FOXO1: variants seen among roughly 807,000 people sequenced by gnomAD.
FOXO1 encodes the protein forkhead box protein O1.
Under a neutral mutation model 44.1 loss-of-function variants are expected in FOXO1, and 6 were observed. That is an observed-to-expected ratio of 0.14 (90% CI 0.07 to 0.27). FOXO1 has a LOEUF of 0.27. Among genes scored for constraint, FOXO1 ranks in the 10% least tolerant of loss-of-function variants. The pLI is 1.00. For missense variants in FOXO1, 737 were observed against 888.8 expected (o/e 0.83, Z 2.17); for synonymous variants, 380 against 362.7 (o/e 1.05, Z -0.54).
In FOXO1 at chr13:40,646,798, C is replaced by T. The variant is rs367747405; in HGVS notation, c.630+18785G>A. On this transcript the variant is annotated intron_variant, in intron 1 of 2. Transcript: ENST00000379561. ...TAGTAAAGACAGGGTTTCACCATGT[C>T]GGCCAGGGTGGTCTCGATCTCCTGA... 3.3e-5 allele frequency among the ~76,000 whole-genome samples: 5 copies of T among 151,918 alleles called. No individual in the cohort carries two copies. In the East Asian group the frequency reaches 5.8e-4, roughly 18 times the overall value.
rs1873935810 is a variant in FOXO1, at chr13:40,560,169, G to A, written c.1322C>T (p.Thr441Ile). The change falls in exon 2 of 3, where the codon ACA becomes ATA. Residue 441 changes from threonine to isoleucine, a missense_variant. Transcript: ENST00000379561. This position sits in a 1 kb window ranked among gnomAD's most constrained non-coding sequence, Gnocchi z 5.1. The stretch of plus-strand genomic sequence containing the variant: ...ATAACTCGACTTATTGTCCTGAAGT[G>A]TTTGTATAGGCATCTGGGGCAAAGG... ...MSPLPQMPIQ[T>I]LQDNKSSYGG... 1.2e-6 allele frequency: 2 copies of A among 1,614,062 alleles called. No individual in the cohort carries two copies. Among genetic ancestry groups the A allele is most frequent in the Admixed American group, 1.7e-5 (1 of 59,998 alleles).
intron 1 of FOXO1, among the ~76,000 whole-genome samples, chr13:40,578,367 T>C (rs546462212): frequency 6.6e-6 from 1 of 152,304 alleles, no homozygotes; most frequent in East Asian, 1.9e-4. Context: ...CTTTTGTGCA[T>C]TCTGGTTAAA....
chr13:40,660,490 C>A lies in FOXO1; in HGVS notation c.630+5093G>T, dbSNP rs550666197. Among the ~76,000 whole-genome samples, 10 of 152,314 alleles carry A rather than the reference C, an allele frequency of 6.6e-5. No homozygotes were observed. The East Asian group carries it at 1.9e-3, about 29-fold the overall frequency. The stretch of plus-strand genomic sequence containing the variant: ...CAAATACAGCTGCTATCTTAGAAAG[C>A]CTAACACAAAACTGCAGTTTAGATG... On this transcript the variant is annotated intron_variant, in intron 1 of 2. Coordinates refer to ENST00000379561, the MANE Select transcript of FOXO1 (RefSeq NM_002015.4).
chr13:40,571,210 C>T (rs1170438802), intron 1 of FOXO1, among the ~76,000 whole-genome samples: 5 of 139,618 alleles, frequency 3.6e-5, no homozygotes, highest in African/African-American at 8.0e-5. Flanking sequence ...CATCACACAC[C>T]GGGGCCTGTC....
intron 1 of FOXO1, among the ~76,000 whole-genome samples, chr13:40,626,525 A>C (rs923594406): frequency 6.6e-6 from 1 of 152,222 alleles, no homozygotes; most frequent in Non-Finnish European, 1.5e-5. Flanking sequence ...AAACATGCCT[A>C]AATTTTCTTT....
chr13:40,584,469 CAAAAAAAAAAAAAAAAAAAAAA>C (rs55733141), intron 1 of FOXO1, among the ~76,000 whole-genome samples: 4 of 63,130 alleles, frequency 6.3e-5, no homozygotes, highest in South Asian at 7.1e-4. Context: ...ACAAAAAATG[CAAAAAAAAAAAAAAAAAAAAAA>C]AAAAAAAAAA....
intron 1 of FOXO1, among the ~76,000 whole-genome samples, chr13:40,618,011 C>T (rs918954275): frequency 6.6e-6 from 1 of 152,212 alleles, no homozygotes; most frequent in Admixed American, 6.5e-5. Flanking sequence ...ACATGTGACA[C>T]GCTTGCCAAA....
At chr13:40,603,976 T>C (rs1198296627) in intron 1 of FOXO1, among the ~76,000 whole-genome samples, 1 of 152,106 alleles carries the variant, frequency 6.6e-6, no homozygotes, top group Non-Finnish European at 1.5e-5. Flanking sequence ...TCAAGGGAAT[T>C]AAGAACTGGG....
intron 1 of FOXO1, among the ~76,000 whole-genome samples, chr13:40,641,287 A>G (rs926749662): frequency 6.6e-6 from 1 of 152,168 alleles, no homozygotes; most frequent in African/African-American, 2.4e-5. Context: ...ACCCTGAGCC[A>G]CGACAGGGTT....
At chr13:40,611,695 C>T (rs969043473) in intron 1 of FOXO1, among the ~76,000 whole-genome samples, 2 of 152,124 alleles carry the variant, frequency 1.3e-5, no homozygotes, top group Non-Finnish European at 2.9e-5. Flanking sequence ...GGAGAGAGGA[C>T]GGTGCTCAGC....
rs535862423 is a variant in FOXO1, at chr13:40,612,884, C to T, written c.631-52024G>A. Among the ~76,000 whole-genome samples, 5 of 152,304 alleles carry T rather than the reference C, an allele frequency of 3.3e-5. No homozygotes were observed. The South Asian group carries it at 1.0e-3, about 32-fold the overall frequency. ...GATACTATCCAGTTTCAGGCACTCA[C>T]TGTGGGTCCTGGAACTATCTCCCTC... On this transcript the variant is annotated intron_variant, in intron 1 of 2. Transcript: ENST00000379561.
intron 1 of FOXO1, among the ~76,000 whole-genome samples, chr13:40,562,300 G>T (rs1874063104): frequency 6.6e-6 from 1 of 152,180 alleles, no homozygotes; most frequent in African/African-American, 2.4e-5. Context: ...TAACTCTCAA[G>T]CTACCGCAGC....
intron 1 of FOXO1, among the ~76,000 whole-genome samples, chr13:40,628,387 A>ACACACACACACACC (rs1445854283): frequency 6.6e-5 from 10 of 151,180 alleles, no homozygotes; most frequent in African/African-American, 2.2e-4. Context: ...ACACACACAC[A>ACACACACACACACC]CACCCCGTGA....
At chr13:40,637,594 A>G (rs902487554) in intron 1 of FOXO1, among the ~76,000 whole-genome samples, 1 of 152,202 alleles carries the variant, frequency 6.6e-6, no homozygotes, top group African/African-American at 2.4e-5. Context: ...GTACTTCACC[A>G]AAGTAATGAT....
At chr13:40,583,595 C>T (rs1437547880) in intron 1 of FOXO1, among the ~76,000 whole-genome samples, 1 of 152,166 alleles carries the variant, frequency 6.6e-6, no homozygotes, top group Non-Finnish European at 1.5e-5. Flanking sequence ...TTTCCTTACA[C>T]CTCATGAACC....
intron 1 of FOXO1, among the ~76,000 whole-genome samples, chr13:40,651,235 G>A (rs1877678104): frequency 6.6e-6 from 1 of 151,922 alleles, no homozygotes. Flanking sequence ...TACTCTCTCT[G>A]CCTGGATGGA....
chr13:40,635,991 C>A (rs1877135938), intron 1 of FOXO1, among the ~76,000 whole-genome samples: 1 of 152,198 alleles, frequency 6.6e-6, no homozygotes, highest in Non-Finnish European at 1.5e-5. Context: ...AGGCGGATCA[C>A]CTGAGGTCGG....
intron 1 of FOXO1, among the ~76,000 whole-genome samples, chr13:40,639,119 G>A (rs1877265237): frequency 6.6e-6 from 1 of 152,062 alleles, no homozygotes; most frequent in Non-Finnish European, 1.5e-5. Context: ...GCTTGAACCC[G>A]GGAGCAGGGG....
chr13:40,633,955 C>T (rs1364131345), intron 1 of FOXO1, among the ~76,000 whole-genome samples: 2 of 152,170 alleles, frequency 1.3e-5, no homozygotes, highest in Non-Finnish European at 2.9e-5. Flanking sequence ...TTTTGCCAAG[C>T]ACCCAGGTTC....
Sources: gnomAD v4.1 joint callset for allele counts (sites outside exome capture counted in the v4.1 genomes callset) on GRCh38, gnomAD v4.1.1 for gene constraint, Gnocchi (gnomAD v3.1) non-coding constraint, MANE v1.5 for transcripts, NCBI Gene and HGNC (gene_info 2026-07-23, HGNC 2026-07-21) for gene names.